ZFYVE9: variants seen among roughly 807,000 people sequenced by gnomAD.
The protein encoded by ZFYVE9 is zinc finger FYVE-type containing 9, also known as zinc finger FYVE domain-containing protein 9.
A neutral mutation model predicts 126.7 loss-of-function variants in ZFYVE9; 43 were observed. That is an observed-to-expected ratio of 0.34 (90% CI 0.27 to 0.44). The LOEUF is 0.44. Among genes scored for constraint, ZFYVE9 ranks in the 20% least tolerant of loss-of-function variants. The pLI, the probability that ZFYVE9 is intolerant of heterozygous loss-of-function variation, is 1.00. For synonymous variants in ZFYVE9, 521 were observed against 597.4 expected (o/e 0.87, Z 1.87); for missense variants, 1,476 against 1,697.0 (o/e 0.87, Z 2.29).
intron 13 of ZFYVE9, among the ~76,000 whole-genome samples, chr1:52,319,432 C>T (rs911010858): frequency 3.3e-5 from 5 of 151,998 alleles, no homozygotes; most frequent in African/African-American, 1.2e-4. Context: ...TGAGACCAGC[C>T]TGACCAACAT....
At chr1:52,204,747 AAG>A (rs1431292420) in intron 1 of ZFYVE9, among the ~76,000 whole-genome samples, 1 of 152,036 alleles carries the variant, frequency 6.6e-6, no homozygotes, top group East Asian at 1.9e-4. Context: ...GAAAAGAAAA[AAG>A]AGTAGAATGC....
chr1:52,190,605 G>A (rs1463755495), intron 1 of ZFYVE9, among the ~76,000 whole-genome samples: 1 of 152,180 alleles, frequency 6.6e-6, no homozygotes, highest in African/African-American at 2.4e-5. Flanking sequence ...AGATTGTCAT[G>A]TCTGGATTAC....
intron 14 of ZFYVE9, among the ~76,000 whole-genome samples, chr1:52,333,847 T>G (rs1646366092): frequency 6.6e-6 from 1 of 151,414 alleles, no homozygotes; most frequent in African/African-American, 2.4e-5. Flanking sequence ...TCCCAACACT[T>G]TGGGAGGCCG....
At chr1:52,145,179 A>C (rs548553076) in intron 1 of ZFYVE9, among the ~76,000 whole-genome samples, 8 of 152,166 alleles carry the variant, frequency 5.3e-5, no homozygotes, top group Non-Finnish European at 4.4e-5. Flanking sequence ...TTCTCTTCCA[A>C]TTCCTGATTC....
In ZFYVE9 at chr1:52,274,455, T is replaced by C; in HGVS notation, c.2626-9T>C. On this transcript the variant is annotated splice_polypyrimidine_tract_variant and intron_variant, in intron 7 of 18. Transcript: ENST00000287727. Reference sequence around the variant, plus strand: ...TGTAGTGCTCACTTTGTTGATTTGCTTTTCCTAGACGGATATTTGTCTATT... The same window carrying C: ...TGTAGTGCTCACTTTGTTGATTTGCCTTTCCTAGACGGATATTTGTCTATT... 6.3e-7 allele frequency: 1 copy of C among 1,599,122 alleles called. No individual in the cohort carries two copies. Among genetic ancestry groups the C allele is most frequent in the Non-Finnish European group, 8.5e-7 (1 of 1,169,720 alleles).
intron 13 of ZFYVE9, among the ~76,000 whole-genome samples, chr1:52,329,931 T>G: frequency 6.6e-6 from 1 of 151,710 alleles, no homozygotes; most frequent in Non-Finnish European, 1.5e-5. Flanking sequence ...AATTCTTCCG[T>G]GTCAACAGCA....
At chr1:52,164,066 C>T (rs1387344226) in intron 1 of ZFYVE9, among the ~76,000 whole-genome samples, 1 of 151,962 alleles carries the variant, frequency 6.6e-6, no homozygotes, top group African/African-American at 2.4e-5. Flanking sequence ...ATCTTCCCAC[C>T]TTGGTCTCCC....
At chr1:52,243,874 A>G (rs1214194374) in intron 4 of ZFYVE9, among the ~76,000 whole-genome samples, 1 of 152,112 alleles carries the variant, frequency 6.6e-6, no homozygotes, top group African/African-American at 2.4e-5. Flanking sequence ...TTACCAAGGG[A>G]AGAGAATAGA....
At chr1:52,302,993 C>T (rs1466248092) in intron 12 of ZFYVE9, among the ~76,000 whole-genome samples, 1 of 151,988 alleles carries the variant, frequency 6.6e-6, no homozygotes, top group Non-Finnish European at 1.5e-5. Context: ...ATATGTAATC[C>T]CAGCTACTTG....
chr1:52,283,798 T>C (rs1645827893), intron 10 of ZFYVE9, among the ~76,000 whole-genome samples: 1 of 152,158 alleles, frequency 6.6e-6, no homozygotes, highest in Non-Finnish European at 1.5e-5. Flanking sequence ...GTTATGTGGG[T>C]GTTTGCCAAA....
chr1:52,283,526 A>G (rs114278711), intron 10 of ZFYVE9, among the ~76,000 whole-genome samples: 1,678 of 152,362 alleles, frequency 0.011, 42 homozygotes, highest in African/African-American at 0.039. Flanking sequence ...GCTCAACAGT[A>G]AAAATGAACT....
At chr1:52,321,106 A>G (rs938080762) in intron 13 of ZFYVE9, among the ~76,000 whole-genome samples, 16 of 152,244 alleles carry the variant, frequency 1.1e-4, no homozygotes, top group African/African-American at 3.6e-4. Flanking sequence ...CATCTTGTAT[A>G]GGACAGGCTG....
intron 7 of ZFYVE9, among the ~76,000 whole-genome samples, chr1:52,273,121 C>T (rs2147807937): frequency 6.6e-6 from 1 of 152,260 alleles, no homozygotes; most frequent in South Asian, 2.1e-4. Flanking sequence ...ATTCTCCTGC[C>T]TCAGCCTCCC....
At chr1:52,161,338 G>A (rs567723252) in intron 1 of ZFYVE9, among the ~76,000 whole-genome samples, 1 of 152,162 alleles carries the variant, frequency 6.6e-6, no homozygotes, top group Non-Finnish European at 1.5e-5. Flanking sequence ...CACCCAGGCT[G>A]GAGTGCAGTG....
chr1:52,284,820 A>T (rs1557500098), intron 10 of ZFYVE9, among the ~76,000 whole-genome samples: 1 of 152,218 alleles, frequency 6.6e-6, no homozygotes, highest in African/African-American at 2.4e-5. Flanking sequence ...TGATTACAAG[A>T]TACTAATGAT....
chr1:52,210,903 C>T (rs1380832701), intron 1 of ZFYVE9, among the ~76,000 whole-genome samples: 1 of 152,194 alleles, frequency 6.6e-6, no homozygotes, highest in Non-Finnish European at 1.5e-5. Flanking sequence ...AATCTGCCCA[C>T]CTTGGCCTCC....
At chr1:52,285,132 C>T (rs956547255) in intron 10 of ZFYVE9, among the ~76,000 whole-genome samples, 11 of 152,074 alleles carry the variant, frequency 7.2e-5, no homozygotes, top group African/African-American at 2.4e-4. Context: ...GACTGTAGCT[C>T]CCAGATCAGT....
At chr1:52,275,056 T>C (rs1001588920) in intron 8 of ZFYVE9, among the ~76,000 whole-genome samples, 1 of 152,210 alleles carries the variant, frequency 6.6e-6, no homozygotes, top group Non-Finnish European at 1.5e-5. Flanking sequence ...TATTATCTAA[T>C]CAAAAGAATG....
At position 52,313,466 on chromosome 1, in the gene ZFYVE9, G is replaced by A. The variant is rs779598070; in HGVS notation, c.3438+9541G>A. On this transcript the variant is annotated intron_variant, in intron 13 of 18. Coordinates refer to ENST00000287727, the MANE Select transcript of ZFYVE9 (RefSeq NM_004799.4). ...TACGATGGTTAGAATTTGCAGGACC[G>A]ATTGCCAGAAGTGTTTTAAAAATTC... 5.9e-5 allele frequency among the ~76,000 whole-genome samples: 9 copies of A among 152,242 alleles called. No individual in the cohort carries two copies. The South Asian group carries it at 1.0e-3, about 18-fold the overall frequency.
Sources: allele counts gnomAD v4.1 joint callset (sites outside exome capture counted in the v4.1 genomes callset), GRCh38; gene constraint gnomAD v4.1.1; transcripts MANE v1.5; gene names NCBI Gene and HGNC (gene_info 2026-07-23, HGNC 2026-07-21).